The following NOL4 variants were observed in gnomAD, a reference collection of about 807,000 sequenced individuals.
The protein encoded by NOL4 is cancer/testis antigen 125.
NOL4 carries 17 observed loss-of-function variants against 75.9 expected under a neutral mutation model. The ratio of observed to expected loss-of-function variants is 0.22; its 90% CI spans 0.15 to 0.34. The LOEUF is 0.34. Ranked by LOEUF, NOL4 falls within the 10% of genes least tolerant of loss-of-function variation. NOL4 has a pLI of 1.00. For synonymous variants in NOL4, 292 were observed against 289.9 expected, an observed-to-expected ratio of 1.01 and a Z score of -0.07; for missense variants, 614 against 793.5, an observed-to-expected ratio of 0.77 and a Z score of 2.72.
intron 1 of NOL4, among the ~76,000 whole-genome samples, chr18:34,206,313 A>T (rs1183181535): frequency 6.6e-6 from 1 of 152,156 alleles, no homozygotes; most frequent in Non-Finnish European, 1.5e-5. Context: ...TATTTTAAAT[A>T]ATGTATAGAA....
chr18:34,120,628 A>G (rs1044641668), intron 2 of NOL4, among the ~76,000 whole-genome samples: 5 of 152,216 alleles, frequency 3.3e-5, no homozygotes, highest in Non-Finnish European at 7.3e-5. Context: ...TTTCAGACGG[A>G]TAAAAACAAT....
chr18:33,975,352 A>G (rs2071408084), intron 6 of NOL4, among the ~76,000 whole-genome samples: 1 of 152,242 alleles, frequency 6.6e-6, no homozygotes, highest in Admixed American at 6.5e-5. Context: ...ATTTTCATTA[A>G]AAATTACCAT....
intron 6 of NOL4, among the ~76,000 whole-genome samples, chr18:33,995,394 A>C (rs1392768639): frequency 6.6e-6 from 1 of 151,712 alleles, no homozygotes; most frequent in East Asian, 1.9e-4. Flanking sequence ...GAAGCACATG[A>C]ATATAATTGT....
At chr18:34,195,455 G>A (rs2035258267) in intron 1 of NOL4, among the ~76,000 whole-genome samples, 1 of 152,022 alleles carries the variant, frequency 6.6e-6, no homozygotes, top group Non-Finnish European at 1.5e-5. Context: ...AATTGATGTA[G>A]GGAAGAAAAA....
chr18:34,030,847 A>T (rs1417904440), intron 5 of NOL4, among the ~76,000 whole-genome samples: 1 of 152,210 alleles, frequency 6.6e-6, no homozygotes, highest in African/African-American at 2.4e-5. Context: ...ATTATTTGTC[A>T]ATTAAAAATA....
chr18:33,902,491 T>C (rs2065801154), intron 9 of NOL4, among the ~76,000 whole-genome samples: 1 of 152,114 alleles, frequency 6.6e-6, no homozygotes, highest in Non-Finnish European at 1.5e-5. Context: ...AGAAAAGCAA[T>C]GTTTTCCTTG....
At chr18:33,859,366 A>G (rs1293617656) in intron 10 of NOL4, among the ~76,000 whole-genome samples, 1 of 152,180 alleles carries the variant, frequency 6.6e-6, no homozygotes, top group Non-Finnish European at 1.5e-5. Flanking sequence ...TATGTGAAAG[A>G]ATATGTATTG....
intron 1 of NOL4, among the ~76,000 whole-genome samples, chr18:34,222,756 G>A (rs1316146358): frequency 6.6e-6 from 1 of 152,050 alleles, no homozygotes; most frequent in Non-Finnish European, 1.5e-5. Context: ...GGGGAGGGAG[G>A]CCAGCTCTGG....
chr18:33,992,360 A>T (rs114849894), intron 6 of NOL4, among the ~76,000 whole-genome samples: 2,022 of 152,108 alleles, frequency 0.013, 44 homozygotes, highest in African/African-American at 0.046. Context: ...CCAGATCAAC[A>T]CTGTTATGAC....
intron 6 of NOL4, among the ~76,000 whole-genome samples, chr18:33,994,246 C>T (rs2073119669): frequency 6.6e-6 from 1 of 151,852 alleles, no homozygotes; most frequent in Admixed American, 6.6e-5. Context: ...GATAGAATAA[C>T]TAGGCAGAGG....
chr18:34,080,905 T>C (rs1361840942), intron 5 of NOL4, among the ~76,000 whole-genome samples: 1 of 152,218 alleles, frequency 6.6e-6, no homozygotes, highest in African/African-American at 2.4e-5. Context: ...ATTATTGTAA[T>C]AGTACCTCAA....
intron 9 of NOL4, among the ~76,000 whole-genome samples, chr18:33,926,940 T>C (rs1419991100): frequency 1.3e-5 from 2 of 152,210 alleles, no homozygotes; most frequent in African/African-American, 2.4e-5. Flanking sequence ...CATTGAACTA[T>C]AGTATTTTAT....
Position 34,104,258 on chromosome 18 carries a change from T to C in NOL4, c.527-99A>G, listed in dbSNP as rs933537767. 2.4e-5 allele frequency: 18 copies of C among 755,294 alleles called. No individual in the cohort carries two copies. The African/African-American group carries it at 3.1e-4, about 13-fold the overall frequency. 46.8% of individuals were successfully genotyped at this position (755,294 alleles called of 1,614,324 possible). On this transcript the variant is annotated intron_variant, in intron 3 of 10. Coordinates refer to ENST00000261592, the MANE Select transcript of NOL4 (RefSeq NM_003787.5). The stretch of plus-strand genomic sequence containing the variant: ...CTCCAAATTGAAACAGGATTTTAGA[T>C]ATCAAGTGTCTTAAAGCATGGTAGC...
intron 1 of NOL4, among the ~76,000 whole-genome samples, chr18:34,148,337 T>C: frequency 6.6e-6 from 1 of 152,130 alleles, no homozygotes; most frequent in African/African-American, 2.4e-5. Flanking sequence ...TACAGCTTTC[T>C]GCTGTGGGCA....
intron 5 of NOL4, among the ~76,000 whole-genome samples, chr18:34,061,115 A>C (rs1426352377): frequency 2.0e-5 from 3 of 152,178 alleles, no homozygotes; most frequent in Non-Finnish European, 2.9e-5. Flanking sequence ...TAAAACAAAA[A>C]CAGCCTTATA....
chr18:34,159,166 G>A lies in NOL4; in HGVS notation c.265-29146C>T, dbSNP rs373444368. Among the ~76,000 whole-genome samples, 31 of 152,278 alleles carry A rather than the reference G, an allele frequency of 2.0e-4. No individual in the cohort carries two copies. The East Asian group carries it at 2.5e-3, about 12-fold the overall frequency. ...CGCTGGAGGGGGTGGCAGGGAGAAA[G>A]GCGCCCTCCACCCTGTCAGCCTCCT... On this transcript the variant is annotated intron_variant, in intron 1 of 10. Coordinates refer to ENST00000261592, the MANE Select transcript of NOL4 (RefSeq NM_003787.5).
intron 6 of NOL4, among the ~76,000 whole-genome samples, chr18:33,975,820 A>C (rs2071450045): frequency 6.6e-6 from 1 of 152,220 alleles, no homozygotes; most frequent in Non-Finnish European, 1.5e-5. Context: ...CATGGAAATA[A>C]AATGCCCTCA....
At chr18:33,867,299 C>A (rs2144407841) in intron 10 of NOL4, among the ~76,000 whole-genome samples, 1 of 152,128 alleles carries the variant, frequency 6.6e-6, no homozygotes, top group East Asian at 1.9e-4. Flanking sequence ...AACTTGTGTT[C>A]AAGTTCAAAC....
At chr18:33,951,608 T>C (rs966530607) in intron 8 of NOL4, among the ~76,000 whole-genome samples, 3 of 152,164 alleles carry the variant, frequency 2.0e-5, no homozygotes, top group African/African-American at 7.2e-5. Context: ...TCTATCTTTA[T>C]CATTCTCTTA....
Sources: allele counts gnomAD v4.1 joint callset (sites outside exome capture counted in the v4.1 genomes callset), GRCh38; gene constraint gnomAD v4.1.1; transcripts MANE v1.5; gene names NCBI Gene and HGNC (gene_info 2026-07-23, HGNC 2026-07-21).